Variants in NCAPD2 observed in about 807,000 individuals in gnomAD.
The protein encoded by NCAPD2 is non-SMC condensin I complex subunit D2.
In NCAPD2, 100 loss-of-function variants were observed where a neutral mutation model predicts 164.5. That is an observed-to-expected ratio of 0.61 (90% CI 0.52 to 0.72). The LOEUF (loss-of-function observed/expected upper bound fraction) is 0.72. Ranked by LOEUF, NCAPD2 falls within the 30% of genes least tolerant of loss-of-function variation. The pLI is 0.00. For missense variants in NCAPD2, 1,560 were observed against 1,749.2 expected (o/e 0.89, Z 1.93); for synonymous variants, 585 against 642.6 (o/e 0.91, Z 1.36).
chr12:6,504,228 T>TACAC (rs1159424979), intron 2 of NCAPD2, among the ~76,000 whole-genome samples: 227 of 55,458 alleles, frequency 4.1e-3, no homozygotes, highest in Middle Eastern at 8.5e-3. Context: ...GATATAGATA[T>TACAC]ATATATATAT....
At chr12:6,508,158 TA>T (rs1028413815) in intron 2 of NCAPD2, among the ~76,000 whole-genome samples, 1 of 152,004 alleles carries the variant, frequency 6.6e-6, no homozygotes, top group African/African-American at 2.4e-5. Flanking sequence ...CCGTCTCTAC[TA>T]AAAATAAAAA....
rs773395150 is a variant in NCAPD2, at chr12:6,495,164, G to A, written c.66G>A (p.Gly22=). The stretch of plus-strand genomic sequence containing the variant: ...CAGAGGAGTTGTTGAAAAGTGGAGG[G>A]GTGAATCAGTATGTTGTGCAAGAGG... ...LSPEELLKSG[G]VNQYVVQEVL... Residue 22 remains glycine, a synonymous_variant, in exon 2 of 32, where the codon GGG becomes GGA. Coordinates refer to ENST00000315579, the MANE Select transcript of NCAPD2 (RefSeq NM_014865.4). The A allele has an allele frequency of 6.2e-7, 1 of 1,614,056 alleles. No homozygotes were observed. Among genetic ancestry groups the A allele is most frequent in the Admixed American group, 1.7e-5 (1 of 60,012 alleles).
rs1468168963 is a variant in NCAPD2 at position 6,528,802 on chromosome 12, C to T, written c.3423C>T (p.Pro1141=). The T allele has an allele frequency of 3.1e-6, 5 of 1,613,962 alleles. No homozygotes were observed. Among genetic ancestry groups the T allele is most frequent in the East Asian group, 2.2e-5 (1 of 44,870 alleles). Residue 1141 remains proline (P), a synonymous_variant, in exon 26 of 32, where the codon CCC becomes CCT. Transcript: ENST00000315579. This position sits in a 1 kb window ranked among gnomAD's most constrained non-coding sequence, Gnocchi z 5.1. ...VSEMAVLLID[P]EPQIAALAKN... ...AGATGGCGGTGCTGCTCATCGACCC[C>T]GAGCCTCAGATTGCTGCCCTGGCCA...
intron 2 of NCAPD2, among the ~76,000 whole-genome samples, chr12:6,507,341 C>T (rs115411717): frequency 0.016 from 2,369 of 152,258 alleles, 61 homozygotes; most frequent in African/African-American, 0.055. Context: ...GCCTTTAATC[C>T]GAGTACTTTG....
chr12:6,495,993 G>C (rs1945979277), intron 2 of NCAPD2, among the ~76,000 whole-genome samples: 1 of 152,000 alleles, frequency 6.6e-6, no homozygotes, highest in African/African-American at 2.4e-5. Context: ...TCGACAATAT[G>C]GTCCTAGCTT....
At chr12:6,519,292 T>G (rs1357799975) in intron 13 of NCAPD2, among the ~76,000 whole-genome samples, 2 of 152,210 alleles carry the variant, frequency 1.3e-5, no homozygotes, top group Non-Finnish European at 2.9e-5. Flanking sequence ...AAATAGAGAC[T>G]ATAGTTTTAT....
At position 6,526,308 on chromosome 12, in the gene NCAPD2, C is replaced by A. The variant is rs1018414996; in HGVS notation, c.2503C>A (p.Pro835Thr). The A allele has an allele frequency of 6.2e-7, 1 of 1,614,058 alleles. No homozygotes were observed. Among genetic ancestry groups the A allele is most frequent in the Non-Finnish European group, 8.5e-7 (1 of 1,180,034 alleles). ...RRKPSLGKRHPPFRLPQEHRL... is the reference protein window; with the variant it reads ...RRKPSLGKRHTPFRLPQEHRL... ...ACAGCCTTCTCTGGGCAAACGTCAC[C>A]CCCCCTTCCGGCTGCCTCAGGAACA... Residue 835 changes from proline to threonine, a missense_variant, in exon 20 of 32, where the codon CCC (proline) becomes ACC (threonine). Coordinates refer to ENST00000315579, the MANE Select transcript of NCAPD2 (RefSeq NM_014865.4).
Position 6,530,271 on chromosome 12 carries a change from C to T in NCAPD2, c.3837+313C>T, listed in dbSNP as rs190421854. On this transcript the variant is annotated intron_variant, in intron 29 of 31. Transcript: ENST00000315579. ...AAGTACAGGGAGTTCCCTTCTACCC[C>T]TTGCCCCTACACATCACAGCCTTCC... 1.7e-3 allele frequency among the ~76,000 whole-genome samples: 257 copies of T among 152,336 alleles called. 2 individuals are homozygous for T. Among genetic ancestry groups the T allele is most frequent in the Middle Eastern group, 0.014 (4 of 294 alleles).
chr12:6,501,265 G>T lies in NCAPD2; in HGVS notation c.127+6040G>T, dbSNP rs7138282. ...TTTTTTTTTTTTTTTTTTTTAGGCA[G>T]AGTCTCGCTCTCTCGCCCAGGCTGG... On this transcript the variant is annotated intron_variant, in intron 2 of 31. Coordinates refer to ENST00000315579, the MANE Select transcript of NCAPD2 (RefSeq NM_014865.4). 9.5e-3 allele frequency among the ~76,000 whole-genome samples: 1,080 copies of T among 113,368 alleles called. 20 individuals carry two copies. The highest frequency in any genetic ancestry group is 0.034 in the African/African-American group (984 of 29,198). 74.4% of individuals were successfully genotyped at this position (113,368 alleles called of 152,430 possible).
Position 6,516,875 on chromosome 12 carries a change from G to C in NCAPD2, c.1035G>C (p.Val345=), listed in dbSNP as rs755825630. Residue 345 remains valine (V), a synonymous_variant, in exon 10 of 32, where the codon GTG becomes GTC. Transcript: ENST00000315579. The part of the protein sequence containing the change: ...NAVLAAMAEM[V]LQVLSGDQLE... ...TGCTGGCAGCCATGGCGGAGATGGT[G>C]CTGCAGGTTCTCAGTGGCGATCAAC... is the stretch of plus-strand genomic sequence containing the variant. The C allele has an allele frequency of 3.1e-6, 5 of 1,614,046 alleles. No homozygotes were observed. Among genetic ancestry groups the C allele is most frequent in the African/African-American group, 1.3e-5 (1 of 74,906 alleles).
Position 6,514,371 on chromosome 12 carries a change from A to T in NCAPD2, c.694A>T (p.Thr232Ser), listed in dbSNP as rs774076450. The change falls in exon 7 of 32, where the codon ACC becomes TCC. Residue 232 changes from threonine to serine, a missense_variant. Coordinates refer to ENST00000315579, the MANE Select transcript of NCAPD2 (RefSeq NM_014865.4). ...AITHLLGVALTRYNHMLSATV... is the reference protein window; with the variant it reads ...AITHLLGVALSRYNHMLSATV... ...AACACACCTGCTTGGTGTAGCCTTG[A>T]CCCGTTATAACCATATGCTCAGTAA... The T allele has an allele frequency of 6.2e-7, 1 of 1,614,118 alleles. No homozygotes were observed. Among genetic ancestry groups the T allele is most frequent in the East Asian group, 2.2e-5 (1 of 44,870 alleles).
intron 9 of NCAPD2, among the ~76,000 whole-genome samples, chr12:6,515,465 G>A (rs138008906): frequency 0.012 from 1,781 of 152,208 alleles, 20 homozygotes; most frequent in Middle Eastern, 0.017. Context: ...GATTGCAGGC[G>A]CTACCATGCT....
intron 2 of NCAPD2, among the ~76,000 whole-genome samples, chr12:6,495,475 A>AT (rs1189212607): frequency 6.6e-6 from 1 of 152,168 alleles, no homozygotes; most frequent in Non-Finnish European, 1.5e-5. Context: ...GGGAAAAGTT[A>AT]TTTTCCATCT....
In NCAPD2 at chr12:6,528,258, G is replaced by A; in HGVS notation, c.3229G>A (p.Val1077Ile). 6.2e-7 allele frequency: 1 copy of A among 1,613,974 alleles called. No homozygotes were observed. The change falls in exon 25 of 32, where the codon GTT (valine) becomes ATT (isoleucine). Residue 1077 changes from valine to isoleucine, a missense_variant. Transcript: ENST00000315579. The surrounding 1 kb of genome is among the most constrained non-coding windows in gnomAD (Gnocchi z 5.1). ...TCCCATTGTCCGGTCTAACCTCATG[G>A]TTGCCACTGGGGATCTGGCCATCCG... Reference protein sequence around the residue: ...PLPIVRSNLMVATGDLAIRFP... With the variant: ...PLPIVRSNLMIATGDLAIRFP...
At chr12:6,502,434 G>A (rs1946046832) in intron 2 of NCAPD2, among the ~76,000 whole-genome samples, 1 of 152,190 alleles carries the variant, frequency 6.6e-6, no homozygotes, top group Non-Finnish European at 1.5e-5. Flanking sequence ...TTGGGAGTAC[G>A]AATGCCCACT....
rs751914786 is a variant in NCAPD2 at position 6,530,910 on chromosome 12, G to A, written c.3965-11G>A. 6.2e-7 allele frequency: 1 copy of A among 1,613,100 alleles called. No homozygotes were observed. The highest frequency in any genetic ancestry group is 1.1e-5 in the South Asian group (1 of 91,020). On this transcript the variant is annotated splice_polypyrimidine_tract_variant and intron_variant, in intron 30 of 31. Transcript: ENST00000315579. ...CTTCTTTTTTAAATCACGTTTTCCT[G>A]CCTTTTCTAGGTTCTAGGTACCAGC...
chr12:6,494,209 T>C (rs537942054), intron 1 of NCAPD2, 55 bp downstream of exon 1: 1 of 152,356 alleles, frequency 6.6e-6, no homozygotes, highest in South Asian at 2.1e-4. Context: ...TACATGGCAG[T>C]GTGACCCAGT....
rs1278473918 is a variant in NCAPD2, at chr12:6,510,617, T to G, written c.263-12T>G. 1 of 1,613,998 alleles carries G rather than the reference T, an allele frequency of 6.2e-7. No homozygotes were observed. The highest frequency in any genetic ancestry group is 8.5e-7 in the Non-Finnish European group (1 of 1,179,940). The stretch of plus-strand genomic sequence containing the variant: ...GTGAGTGAAACTGACTCCAAGATTC[T>G]GCCCCTCACAGTGGTATCCCGCCAC... On this transcript the variant is annotated splice_polypyrimidine_tract_variant and intron_variant, in intron 4 of 31. Transcript: ENST00000315579.
intron 2 of NCAPD2, among the ~76,000 whole-genome samples, chr12:6,502,257 T>C (rs1205041642): frequency 6.6e-6 from 1 of 151,886 alleles, no homozygotes; most frequent in Admixed American, 6.6e-5. Context: ...ATGCAACTAG[T>C]GCAGGTAAAT....
Sources: allele counts gnomAD v4.1 joint callset (sites outside exome capture counted in the v4.1 genomes callset), GRCh38; gene constraint gnomAD v4.1.1; non-coding constraint Gnocchi (gnomAD v3.1); transcripts MANE v1.5; gene names NCBI Gene and HGNC (gene_info 2026-07-23, HGNC 2026-07-21).